DMD: variants seen among roughly 807,000 people sequenced by gnomAD.
The protein encoded by DMD is dystrophin, also known as mutant dystrophin.
Under a neutral mutation model 330.1 loss-of-function variants are expected in DMD, and 63 were observed. That is an observed-to-expected ratio of 0.19 (90% CI 0.16 to 0.24). DMD has a LOEUF of 0.24. DMD is among the 10% of genes least tolerant of loss of function. The pLI is 1.00. For synonymous variants in DMD, 1,223 were observed against 959.8 expected, an observed-to-expected ratio of 1.27 and a Z score of -5.07; for missense variants, 3,344 against 2,684.1, an observed-to-expected ratio of 1.25 and a Z score of -5.43.
chrX:31,765,464 T>A (rs2089932475), intron 51 of DMD, among the ~76,000 whole-genome samples: 1 of 111,487 alleles, frequency 9.0e-6, no homozygotes, highest in Non-Finnish European at 1.9e-5. Flanking sequence ...GTTCAATAAA[T>A]AACAGATGAA....
chrX:32,482,902 G>A (rs2042039008), intron 21 of DMD, among the ~76,000 whole-genome samples: 1 of 108,404 alleles, frequency 9.2e-6, no homozygotes, highest in Non-Finnish European at 1.9e-5. Flanking sequence ...AGGTTTTTGT[G>A]TGAAAAAGCA....
chrX:33,122,044 G>T (rs1220882591), intron 1 of DMD, among the ~76,000 whole-genome samples: 4 of 111,441 alleles, frequency 3.6e-5, no homozygotes, highest in Admixed American at 9.6e-5. Flanking sequence ...TGGCCAACAG[G>T]GTGAAACCCC....
intron 4 of DMD, among the ~76,000 whole-genome samples, chrX:32,828,818 T>A (rs1188135239): frequency 9.0e-6 from 1 of 111,575 alleles, no homozygotes; most frequent in African/African-American, 3.2e-5. Flanking sequence ...TCTTTTAGTT[T>A]TGTTTGTATG....
chrX:31,282,862 T>C (rs1189858862), intron 62 of DMD, among the ~76,000 whole-genome samples: 1 of 112,080 alleles, frequency 8.9e-6, no homozygotes, highest in African/African-American at 3.2e-5. Flanking sequence ...AAGTGGAGTC[T>C]GATTTCCAAT....
At position 32,671,083 on chromosome X, in the gene DMD, G is replaced by C. The variant is rs549531088; in HGVS notation, c.961-25931C>G. On this transcript the variant is annotated intron_variant, in intron 9 of 78. Transcript: ENST00000357033. The stretch of plus-strand genomic sequence containing the variant: ...AACACAATTTAAGAATATATACTCA[G>C]CTACAAGTGGGTCGGTACAAATTGT... 5.2e-4 allele frequency among the ~76,000 whole-genome samples: 58 copies of C among 110,656 alleles called. 1 individual carries two copies. The South Asian group carries it at 0.021, about 41-fold the overall frequency.
chrX:33,008,787 T>C (rs2093451943), intron 2 of DMD, among the ~76,000 whole-genome samples: 1 of 65,759 alleles, frequency 1.5e-5, no homozygotes, highest in East Asian at 5.7e-4. Context: ...AAAACAACTA[T>C]ATATACGTAT....
chrX:32,082,724 C>CAA (rs1232321494), intron 44 of DMD, among the ~76,000 whole-genome samples: 1 of 111,819 alleles, frequency 8.9e-6, no homozygotes, highest in African/African-American at 3.3e-5. Flanking sequence ...GTCTCAATTA[C>CAA]AACTAGTCCT....
intron 60 of DMD, among the ~76,000 whole-genome samples, chrX:31,390,024 G>A (rs1018043767): frequency 9.0e-6 from 1 of 111,395 alleles, no homozygotes; most frequent in African/African-American, 3.3e-5. Flanking sequence ...TAATTTAGAA[G>A]TATATGATTT....
At chrX:31,334,184 T>C (rs1395401619) in intron 61 of DMD, among the ~76,000 whole-genome samples, 1 of 112,364 alleles carries the variant, frequency 8.9e-6, no homozygotes, top group African/African-American at 3.2e-5. Flanking sequence ...TCCACCCACC[T>C]TGGCCTCCCA....
chrX:31,945,752 G>A (rs745829456), intron 45 of DMD, among the ~76,000 whole-genome samples: 13 of 111,603 alleles, frequency 1.2e-4, no homozygotes, highest in Admixed American at 8.5e-4. Flanking sequence ...AACTTTCATA[G>A]GTATGTTGCT....
At chrX:31,195,323 T>C (rs777722153) in intron 67 of DMD, among the ~76,000 whole-genome samples, 6 of 111,705 alleles carry the variant, frequency 5.4e-5, no homozygotes, top group South Asian at 3.8e-4. Flanking sequence ...ATTAACGCCA[T>C]GGCCCTAGGG....
intron 7 of DMD, among the ~76,000 whole-genome samples, chrX:32,770,831 G>A (rs1474788408): frequency 8.9e-6 from 1 of 111,865 alleles, no homozygotes; most frequent in Non-Finnish European, 1.9e-5. Flanking sequence ...TCAGGTCATG[G>A]CAAGTCCTAT....
intron 44 of DMD, among the ~76,000 whole-genome samples, chrX:32,040,228 A>C (rs749747555): frequency 1.3e-4 from 15 of 111,849 alleles, no homozygotes; most frequent in Non-Finnish European, 2.3e-4. Context: ...AATCCTTCAT[A>C]ACTTCACTGG....
At chrX:31,728,794 G>C (rs968114184) in intron 52 of DMD, among the ~76,000 whole-genome samples, 5 of 111,925 alleles carry the variant, frequency 4.5e-5, no homozygotes, top group African/African-American at 1.6e-4. Context: ...AAAATGAGGG[G>C]ATATTGCAGA....
At chrX:31,717,385 CTATTTATTGCTA>C (rs767339723) in intron 52 of DMD, among the ~76,000 whole-genome samples, 1 of 111,836 alleles carries the variant, frequency 8.9e-6, no homozygotes, top group Non-Finnish European at 1.9e-5. Flanking sequence ...GAATCCCATT[CTATTTATTGCTA>C]TGTCTCTTAA....
At chrX:33,119,793 T>C (rs1021108645) in intron 1 of DMD, among the ~76,000 whole-genome samples, 1 of 111,495 alleles carries the variant, frequency 9.0e-6, no homozygotes, top group African/African-American at 3.3e-5. Flanking sequence ...CAAAGATGAG[T>C]TGGGGGATTA....
chrX:32,430,210 T>A (rs184520054), intron 29 of DMD, among the ~76,000 whole-genome samples: 71 of 111,913 alleles, frequency 6.3e-4, no homozygotes, highest in African/African-American at 2.3e-3. Context: ...AGGTTATCCA[T>A]CTCACCTCTA....
intron 41 of DMD, 78 bp downstream of exon 41, chrX:32,342,019 CTCT>C (rs2097745678): frequency 1.2e-6 from 1 of 833,859 alleles, no homozygotes; most frequent in Non-Finnish European, 1.7e-6. Context: ...GATTTTTTGT[CTCT>C]TTTTTTTTTA....
At chrX:33,303,951 T>C (rs893974466) in intron 1 of DMD, among the ~76,000 whole-genome samples, 2 of 112,035 alleles carry the variant, frequency 1.8e-5, no homozygotes, top group African/African-American at 6.5e-5. Flanking sequence ...TTTTGTTTCC[T>C]CTCTTAATAT....
Sources: allele counts gnomAD v4.1 joint callset (sites outside exome capture counted in the v4.1 genomes callset), GRCh38; gene constraint gnomAD v4.1.1; transcripts MANE v1.5; gene names NCBI Gene and HGNC (gene_info 2026-07-23, HGNC 2026-07-21).